Variants in CTIF observed in about 807,000 individuals in gnomAD.
CTIF encodes CBP80/20-dependent translation initiation factor.
A neutral mutation model predicts 66.0 loss-of-function variants in CTIF; 21 were observed. The observed-to-expected ratio is 0.32, with a 90% confidence interval of 0.23 to 0.46. The LOEUF is 0.46. Among genes scored for constraint, CTIF ranks in the 20% least tolerant of loss-of-function variants. The pLI is 1.00. For synonymous variants in CTIF, 345 were observed against 326.4 expected (o/e 1.06, Z -0.62); for missense variants, 739 against 812.7 (o/e 0.91, Z 1.10).
Position 48,761,088 on chromosome 18 carries a change from A to G in CTIF, c.1072-302A>G, listed in dbSNP as rs953079801. On this transcript the variant is annotated intron_variant, in intron 8 of 11. Coordinates refer to ENST00000256413, the MANE Select transcript of CTIF (RefSeq NM_014772.3). This position sits in a 1 kb window ranked among gnomAD's most constrained non-coding sequence, Gnocchi z 4.2. ...ATAATTTCCATTAAATCTTTTCTAGATTAAGATATTTGATGGACAAATAAA... is the reference window on the plus strand; with the variant it reads ...ATAATTTCCATTAAATCTTTTCTAGGTTAAGATATTTGATGGACAAATAAA... The G allele has an allele frequency of 1.8e-5, 5 of 280,852 alleles. No individual in the cohort carries two copies. Among genetic ancestry groups the G allele is most frequent in the Admixed American group, 5.0e-5 (1 of 20,080 alleles). The allele number at this position is 280,852 out of a possible 1,614,324, so 17.4% of individuals were successfully genotyped here.
chr18:48,838,516 C>G (rs1336786716), intron 10 of CTIF, among the ~76,000 whole-genome samples: 2 of 152,164 alleles, frequency 1.3e-5, no homozygotes, highest in Non-Finnish European at 2.9e-5. Flanking sequence ...AACGAGTCCC[C>G]TTTATAGTCA....
At chr18:48,698,136 A>G (rs1355060707) in intron 6 of CTIF, among the ~76,000 whole-genome samples, 2 of 130,602 alleles carry the variant, frequency 1.5e-5, no homozygotes, top group African/African-American at 6.4e-5. Flanking sequence ...AAAAAAAAAA[A>G]AAAAAGCAAA....
intron 10 of CTIF, among the ~76,000 whole-genome samples, chr18:48,847,110 C>A (rs113926581): frequency 6.6e-6 from 1 of 151,864 alleles, no homozygotes; most frequent in Admixed American, 6.5e-5. Flanking sequence ...GAGATGGAGA[C>A]CATCCCGGCC....
chr18:48,728,821 C>A (rs2092410858), intron 7 of CTIF, among the ~76,000 whole-genome samples: 1 of 151,992 alleles, frequency 6.6e-6, no homozygotes, highest in Non-Finnish European at 1.5e-5. Flanking sequence ...AGCAACATAC[C>A]ATCCCTTCTG....
At chr18:48,853,673 G>C (rs2069259361) in intron 10 of CTIF, among the ~76,000 whole-genome samples, 1 of 152,218 alleles carries the variant, frequency 6.6e-6, no homozygotes, top group Non-Finnish European at 1.5e-5. Flanking sequence ...AGTGGCTCTG[G>C]CCAATCAAGC....
At chr18:48,647,142 A>G (rs1453250471) in intron 3 of CTIF, among the ~76,000 whole-genome samples, 1 of 152,250 alleles carries the variant, frequency 6.6e-6, no homozygotes, top group Non-Finnish European at 1.5e-5. Context: ...CTGATGATGC[A>G]GCAGCCTGGA....
intron 10 of CTIF, among the ~76,000 whole-genome samples, chr18:48,842,649 C>G (rs112057159): frequency 6.6e-6 from 1 of 152,202 alleles, no homozygotes. Context: ...GCCCAGCAGT[C>G]GCTGATTCTA....
intron 10 of CTIF, 53 bp from the exon 11 acceptor site, chr18:48,857,535 C>T: frequency 6.5e-7 from 1 of 1,545,144 alleles, no homozygotes. Context: ...GCTACAGGGC[C>T]CAGTAGCCGG....
At chr18:48,651,618 A>G (rs1327913456) in intron 3 of CTIF, among the ~76,000 whole-genome samples, 2 of 152,240 alleles carry the variant, frequency 1.3e-5, no homozygotes, top group Non-Finnish European at 2.9e-5. Context: ...AAGCAGACCT[A>G]ATAGACATCT....
At chr18:48,787,802 G>T (rs1037884016) in intron 9 of CTIF, among the ~76,000 whole-genome samples, 2 of 152,146 alleles carry the variant, frequency 1.3e-5, no homozygotes, top group African/African-American at 4.8e-5. Context: ...CTGCCCCTGC[G>T]CCAACTCCTG....
At chr18:48,640,231 G>A (rs1021452532) in intron 3 of CTIF, among the ~76,000 whole-genome samples, 4 of 152,176 alleles carry the variant, frequency 2.6e-5, no homozygotes, top group Admixed American at 6.5e-5. Flanking sequence ...CTGCACTCAC[G>A]CGCCCAGGCA....
At chr18:48,638,292 A>AAT (rs2090861490) in intron 3 of CTIF, among the ~76,000 whole-genome samples, 1 of 152,162 alleles carries the variant, frequency 6.6e-6, no homozygotes. Flanking sequence ...TTGGATGGGA[A>AAT]ATAAGAGGTT....
intron 2 of CTIF, chr18:48,625,085 A>G: frequency 6.6e-6 from 2 of 304,876 alleles, no homozygotes; most frequent in Non-Finnish European, 9.6e-6. Flanking sequence ...CTCTCCTTTC[A>G]TTCTGCCTTC....
intron 6 of CTIF, among the ~76,000 whole-genome samples, chr18:48,672,943 A>T (rs571529366): frequency 6.6e-6 from 1 of 152,014 alleles, no homozygotes; most frequent in Non-Finnish European, 1.5e-5. Context: ...CTGATCTTCC[A>T]TCTCTCCTTG....
chr18:48,630,660 C>CT (rs373006892), intron 2 of CTIF, among the ~76,000 whole-genome samples: 6,553 of 141,940 alleles, frequency 0.046, 446 homozygotes, highest in African/African-American at 0.16. Context: ...TTGTCTCTAG[C>CT]TTTTTTTTTT....
chr18:48,688,615 T>C (rs1020132860), intron 6 of CTIF, among the ~76,000 whole-genome samples: 31 of 152,320 alleles, frequency 2.0e-4, no homozygotes, highest in African/African-American at 7.5e-4. Flanking sequence ...AGGCTCCCAG[T>C]GGGGAAGTGC....
At chr18:48,621,385 C>A (rs2090490683) in intron 2 of CTIF, 2 of 204,684 alleles carry the variant, frequency 9.8e-6, no homozygotes, top group African/African-American at 4.8e-5. Context: ...CCGGGCCCAG[C>A]CAGGAGGCCA....
intron 1 of CTIF, among the ~76,000 whole-genome samples, chr18:48,599,167 C>G (rs566706934): frequency 1.3e-5 from 2 of 152,238 alleles, no homozygotes; most frequent in Admixed American, 6.5e-5. Context: ...GGAGTCTGAG[C>G]AGATGGTTCT....
chr18:48,573,395 C>T (rs898315312), intron 1 of CTIF, among the ~76,000 whole-genome samples: 1 of 152,138 alleles, frequency 6.6e-6, no homozygotes, highest in African/African-American at 2.4e-5. Context: ...GGCCAGGGGT[C>T]TCCAAAATGG....
Sources: gnomAD v4.1 joint callset for allele counts (sites outside exome capture counted in the v4.1 genomes callset) on GRCh38, gnomAD v4.1.1 for gene constraint, Gnocchi (gnomAD v3.1) non-coding constraint, MANE v1.5 for transcripts, NCBI Gene and HGNC (gene_info 2026-07-23, HGNC 2026-07-21) for gene names.